SORCS2: variants seen among roughly 807,000 people sequenced by gnomAD.
SORCS2 encodes the protein VPS10 domain-containing receptor SorCS2.
In SORCS2, 100 loss-of-function variants were observed where a neutral mutation model predicts 141.6. The ratio of observed to expected loss-of-function variants is 0.71; its 90% confidence interval spans 0.60 to 0.83. SORCS2 has a LOEUF of 0.83. Ranked by LOEUF, SORCS2 falls within the 40% of genes least tolerant of loss-of-function variation. SORCS2 has a pLI of 0.00. For missense variants in SORCS2, 1,646 were observed against 1,560.2 expected, an observed-to-expected ratio of 1.05 and a Z score of -0.93; for synonymous variants, 789 against 676.9, an observed-to-expected ratio of 1.17 and a Z score of -2.57.
At chr4:7,280,308 G>A (rs1416564329) in intron 1 of SORCS2, among the ~76,000 whole-genome samples, 1 of 152,142 alleles carries the variant, frequency 6.6e-6, no homozygotes, top group African/African-American at 2.4e-5. Flanking sequence ...GCTCATATCA[G>A]CCATTTAAAA....
At chr4:7,444,668 A>G (rs192448822) in intron 2 of SORCS2, among the ~76,000 whole-genome samples, 10 of 152,292 alleles carry the variant, frequency 6.6e-5, no homozygotes, top group African/African-American at 2.2e-4. Flanking sequence ...GAGGGCTGAC[A>G]TGATCCCATG....
chr4:7,263,969 C>G (rs1473055825), intron 1 of SORCS2, among the ~76,000 whole-genome samples: 1 of 152,212 alleles, frequency 6.6e-6, no homozygotes, highest in East Asian at 1.9e-4. Flanking sequence ...CTCACTGACT[C>G]ATTCATTCAC....
chr4:7,726,734 G>A (rs1041561318), intron 20 of SORCS2, 46 bp from the exon 21 acceptor site: 36 of 1,596,636 alleles, frequency 2.3e-5, no homozygotes, highest in Middle Eastern at 1.7e-4. Context: ...CCCCACGGCC[G>A]CTGCCTCACT....
intron 1 of SORCS2, among the ~76,000 whole-genome samples, chr4:7,374,924 A>T (rs560564906): frequency 5.7e-4 from 87 of 152,046 alleles, no homozygotes; most frequent in Non-Finnish European, 8.5e-4. Context: ...GCTGGAGCTC[A>T]CCTTTACAGT....
rs1275450221 is a variant in SORCS2, at chr4:7,201,854, C to A, written c.480+8728C>A. 6.6e-6 allele frequency among the ~76,000 whole-genome samples: 1 copy of A among 152,190 alleles called. No individual in the cohort carries two copies. Among genetic ancestry groups the A allele is most frequent in the South Asian group, 2.1e-4 (1 of 4,828 alleles). On this transcript the variant is annotated intron_variant, in intron 1 of 26. Coordinates refer to ENST00000507866, the MANE Select transcript of SORCS2 (RefSeq NM_020777.3). The surrounding 1 kb of genome is among the most constrained non-coding windows in gnomAD (Gnocchi z 4.4). ...TGCTGCAGCTGCTGTTCCTGACCGACGTCCTCCCCTTTTGGAAGTCCAGGG... is the reference window on the plus strand; with the variant it reads ...TGCTGCAGCTGCTGTTCCTGACCGAAGTCCTCCCCTTTTGGAAGTCCAGGG...
chr4:7,362,694 TCCACCATCA>T (rs921123592), intron 1 of SORCS2, among the ~76,000 whole-genome samples: 2 of 151,456 alleles, frequency 1.3e-5, no homozygotes, highest in African/African-American at 4.9e-5. Context: ...CATCACCATC[TCCACCATCA>T]CTACCACCAT....
intron 3 of SORCS2, among the ~76,000 whole-genome samples, chr4:7,577,028 C>G (rs568657959): frequency 2.7e-4 from 41 of 152,270 alleles, no homozygotes; most frequent in African/African-American, 8.9e-4. Flanking sequence ...TCTGGCCACC[C>G]CTCTGCCATG....
chr4:7,521,437 C>G (rs1459984456), intron 2 of SORCS2, among the ~76,000 whole-genome samples: 1 of 152,166 alleles, frequency 6.6e-6, no homozygotes, highest in Non-Finnish European at 1.5e-5. Flanking sequence ...GGAGCGCCTT[C>G]TGGAATTTTA....
intron 2 of SORCS2, among the ~76,000 whole-genome samples, chr4:7,530,921 G>A (rs1228341661): frequency 6.6e-6 from 1 of 152,166 alleles, no homozygotes; most frequent in Non-Finnish European, 1.5e-5. Context: ...ATAGTGCTTG[G>A]GGTCTGATTT....
intron 3 of SORCS2, among the ~76,000 whole-genome samples, chr4:7,627,240 C>T (rs2108840092): frequency 6.6e-6 from 1 of 152,300 alleles, no homozygotes; most frequent in Non-Finnish European, 1.5e-5. Context: ...CCACCTCGGC[C>T]TCTCAAAATG....
At chr4:7,544,513 C>T (rs529946586) in intron 3 of SORCS2, among the ~76,000 whole-genome samples, 101 of 152,274 alleles carry the variant, frequency 6.6e-4, no homozygotes, top group African/African-American at 2.1e-3. Context: ...AGGCTCAGGG[C>T]GGCCAGCAGG....
At chr4:7,258,234 G>A (rs917763413) in intron 1 of SORCS2, among the ~76,000 whole-genome samples, 1 of 152,182 alleles carries the variant, frequency 6.6e-6, no homozygotes, top group African/African-American at 2.4e-5. Context: ...ATGCCATGGT[G>A]GTTTGCTGCA....
intron 3 of SORCS2, among the ~76,000 whole-genome samples, chr4:7,620,966 G>C (rs1719127132): frequency 6.6e-6 from 1 of 152,168 alleles, no homozygotes; most frequent in African/African-American, 2.4e-5. Context: ...TGCGACCCCT[G>C]TGTTAGCCCA....
At chr4:7,305,244 G>A (rs1331582572) in intron 1 of SORCS2, among the ~76,000 whole-genome samples, 2 of 152,106 alleles carry the variant, frequency 1.3e-5, no homozygotes, top group Non-Finnish European at 1.5e-5. Flanking sequence ...TGTTAGCCAG[G>A]ATGGTCTCGA....
intron 11 of SORCS2, among the ~76,000 whole-genome samples, chr4:7,691,257 G>A (rs944203550): frequency 3.9e-5 from 6 of 152,216 alleles, no homozygotes; most frequent in African/African-American, 1.2e-4. Flanking sequence ...TCGCAGCACC[G>A]AGCTGGGGCC....
At chr4:7,280,346 A>G (rs923869765) in intron 1 of SORCS2, among the ~76,000 whole-genome samples, 44 of 152,320 alleles carry the variant, frequency 2.9e-4, no homozygotes, top group Non-Finnish European at 1.2e-4. Flanking sequence ...AGAGGCGAGG[A>G]TGGGAGGACT....
At chr4:7,327,058 C>G (rs1448032428) in intron 1 of SORCS2, among the ~76,000 whole-genome samples, 1 of 152,212 alleles carries the variant, frequency 6.6e-6, no homozygotes, top group Non-Finnish European at 1.5e-5. Context: ...TCCAGCTCTC[C>G]CCTGTCCCTG....
chr4:7,498,801 C>G (rs1490644737), intron 2 of SORCS2, among the ~76,000 whole-genome samples: 2 of 152,228 alleles, frequency 1.3e-5, no homozygotes, highest in South Asian at 2.1e-4. Context: ...TGAGCAACCC[C>G]TGGCCCTCCC....
intron 2 of SORCS2, among the ~76,000 whole-genome samples, chr4:7,401,552 G>A (rs115926986): frequency 0.035 from 5,314 of 152,286 alleles, 149 homozygotes; most frequent in Admixed American, 0.047. Context: ...TGGAGAGAAA[G>A]CTTACCTTGG....
Sources: gnomAD v4.1 joint callset for allele counts (sites outside exome capture counted in the v4.1 genomes callset) on GRCh38, gnomAD v4.1.1 for gene constraint, Gnocchi (gnomAD v3.1) non-coding constraint, MANE v1.5 for transcripts, NCBI Gene and HGNC (gene_info 2026-07-23, HGNC 2026-07-21) for gene names.